Variants in MPZL1 observed in about 807,000 individuals in gnomAD.
MPZL1 encodes myelin protein zero-like protein 1.
A neutral mutation model predicts 29.3 loss-of-function variants in MPZL1; 16 were observed. The ratio of observed to expected loss-of-function variants is 0.55; its 90% CI spans 0.37 to 0.83. The LOEUF is 0.83. Among genes scored for constraint, MPZL1 ranks in the 40% least tolerant of loss-of-function variants. The pLI is 0.00. For missense variants in MPZL1, 279 were observed against 332.9 expected (o/e 0.84, Z 1.26); for synonymous variants, 143 against 132.0 (o/e 1.08, Z -0.57).
In MPZL1 at chr1:167,788,246, G is replaced by A. The variant is rs190151302; in HGVS notation, c.*325G>A. 9.1e-4 allele frequency: 234 copies of A among 256,994 alleles called. 3 individuals are homozygous for A. The highest frequency in any genetic ancestry group is 5.2e-3 in the African/African-American group (232 of 44,800). The allele number at this position is 256,994 out of a possible 1,614,324, so 15.9% of individuals were successfully genotyped here. On this transcript the variant is annotated 3_prime_UTR_variant, in exon 6 of 6. Transcript: ENST00000359523. ...ATTCCTTTCACCATCATTTAGAAAT[G>A]GTTTGCCTTAATGGAGACAATAGCA...
intron 1 of MPZL1, among the ~76,000 whole-genome samples, chr1:167,724,461 T>C (rs958594595): frequency 1.3e-5 from 2 of 152,130 alleles, no homozygotes; most frequent in East Asian, 1.9e-4. Flanking sequence ...CCGGGGAGGA[T>C]GATGAAGATC....
intron 1 of MPZL1, 42 bp downstream of exon 1, chr1:167,722,284 C>T (rs1285726913): frequency 1.6e-6 from 2 of 1,233,460 alleles, no homozygotes; most frequent in African/African-American, 1.6e-5. Context: ...GGGAGTGGGG[C>T]CCCCGGGCCC....
At position 167,773,281 on chromosome 1, in the gene MPZL1, C is replaced by T; in HGVS notation, c.518C>T (p.Thr173Ile). The T allele has an allele frequency of 6.2e-7, 1 of 1,613,538 alleles. No homozygotes were observed. The highest frequency in any genetic ancestry group is 8.5e-7 in the Non-Finnish European group (1 of 1,179,466). Residue 173 changes from threonine to isoleucine, a missense_variant, in exon 4 of 6, where the codon ACT (threonine) becomes ATT (isoleucine). By Grantham distance (89) the Thr-to-Ile change is moderately conservative (BLOSUM62 -1). Transcript: ENST00000359523. ...GTTTGGGTAGTGGTGGGCATAGTTA[C>T]TGCTGTGGTCCTAGGTCTCACTCTG... ...FPVWVVVGIV[T>I]AVVLGLTLLI...
At chr1:167,773,465 A>G in intron 4 of MPZL1, 97 bp downstream of exon 4, 1 of 1,371,244 alleles carries the variant, frequency 7.3e-7, no homozygotes, top group Non-Finnish European at 9.8e-7. Context: ...TAAAGAATTA[A>G]CTACTATTTT....
chr1:167,785,271 A>G (rs1345857417), intron 5 of MPZL1, among the ~76,000 whole-genome samples: 1 of 152,206 alleles, frequency 6.6e-6, no homozygotes, highest in Admixed American at 6.5e-5. Context: ...CAGTCTAACC[A>G]TTGGCAGGCT....
chr1:167,738,779 A>G (rs1010210289), intron 1 of MPZL1, among the ~76,000 whole-genome samples: 2 of 152,064 alleles, frequency 1.3e-5, no homozygotes, highest in Non-Finnish European at 2.9e-5. Context: ...TTCTGCCATG[A>G]TTGTAAGTTT....
chr1:167,753,781 C>T (rs748355790), intron 1 of MPZL1, among the ~76,000 whole-genome samples: 3 of 152,024 alleles, frequency 2.0e-5, no homozygotes, highest in Admixed American at 6.5e-5. Flanking sequence ...AGGTGCCCGC[C>T]ATCACGCCGG....
chr1:167,739,219 A>T (rs1277079386), intron 1 of MPZL1, among the ~76,000 whole-genome samples: 1 of 150,160 alleles, frequency 6.7e-6, no homozygotes, highest in Non-Finnish European at 1.5e-5. Flanking sequence ...CTGGGATTAT[A>T]GGTGTGAACC....
Position 167,790,319 on chromosome 1 carries a change from A to G in MPZL1, c.*2398A>G, listed in dbSNP as rs565335942. 6.6e-6 allele frequency: 1 copy of G among 152,254 alleles called. No individual in the cohort carries two copies. Among genetic ancestry groups the G allele is most frequent in the South Asian group, 2.1e-4 (1 of 4,808 alleles). 9.4% of individuals were successfully genotyped at this position (152,254 alleles called of 1,614,324 possible). On this transcript the variant is annotated 3_prime_UTR_variant, in exon 6 of 6. Transcript: ENST00000359523. ...TTCTTGGCCTCCTGCCCAACCAGAC[A>G]CCTCAAACTCTGTCAGTGCCCTGGC...
Position 167,791,717 on chromosome 1 carries a change from C to G in MPZL1, c.*3796C>G, listed in dbSNP as rs1392365455. 6.6e-6 allele frequency: 1 copy of G among 152,176 alleles called. No homozygotes were observed. The highest frequency in any genetic ancestry group is 1.5e-5 in the Non-Finnish European group (1 of 68,036). 9.4% of individuals were successfully genotyped at this position (152,176 alleles called of 1,614,324 possible). A position where few individuals can be genotyped will look rare whatever the true frequency, so the allele number is the denominator to read the frequency against. ...CTGCTTCCTTACTCAAATAAATGTG[C>G]TGAAATGCAGTTGCAGTTTTCTCCC... On this transcript the variant is annotated 3_prime_UTR_variant, in exon 6 of 6. Coordinates refer to ENST00000359523, the MANE Select transcript of MPZL1 (RefSeq NM_003953.6).
intron 2 of MPZL1, among the ~76,000 whole-genome samples, chr1:167,766,518 A>G (rs1269064681): frequency 6.6e-6 from 1 of 152,320 alleles, no homozygotes; most frequent in East Asian, 1.9e-4. Context: ...ATTTGTTGTT[A>G]CTGTTGCTCT....
chr1:167,768,387 TC>T (rs1661166519), intron 2 of MPZL1, among the ~76,000 whole-genome samples: 1 of 144,394 alleles, frequency 6.9e-6, no homozygotes, highest in African/African-American at 2.5e-5. Context: ...CCATAATGCC[TC>T]TTTTTTTTTT....
chr1:167,750,105 T>C (rs1196716465), intron 1 of MPZL1, among the ~76,000 whole-genome samples: 1 of 152,242 alleles, frequency 6.6e-6, no homozygotes, highest in African/African-American at 2.4e-5. Flanking sequence ...TATTTTGATA[T>C]AATTTCTCAT....
In MPZL1 at chr1:167,789,641, T is replaced by C. The variant is rs1293291993; in HGVS notation, c.*1720T>C. On this transcript the variant is annotated 3_prime_UTR_variant, in exon 6 of 6. Coordinates refer to ENST00000359523, the MANE Select transcript of MPZL1 (RefSeq NM_003953.6). Reference sequence around the variant, plus strand: ...TGAGGAGCTATTTTTGTTATTCTTGTAACGCTCCACCTTACATGCCACATC... The same window carrying C: ...TGAGGAGCTATTTTTGTTATTCTTGCAACGCTCCACCTTACATGCCACATC... 1 of 152,236 alleles carries C rather than the reference T, an allele frequency of 6.6e-6. No homozygotes were observed. The highest frequency in any genetic ancestry group is 2.4e-5 in the African/African-American group (1 of 41,472). 9.4% of individuals were successfully genotyped at this position (152,236 alleles called of 1,614,324 possible).
chr1:167,725,610 C>T (rs995443829), intron 1 of MPZL1, among the ~76,000 whole-genome samples: 3 of 152,146 alleles, frequency 2.0e-5, no homozygotes, highest in African/African-American at 7.2e-5. Flanking sequence ...CTTAGCCTCC[C>T]GAGTAGCTGG....
chr1:167,754,411 A>C (rs776508523), intron 1 of MPZL1, among the ~76,000 whole-genome samples: 42 of 152,360 alleles, frequency 2.8e-4, no homozygotes, highest in Non-Finnish European at 4.7e-4. Flanking sequence ...GTGGGTGGTT[A>C]TATGAATAAT....
chr1:167,763,765 C>A lies in MPZL1; in HGVS notation c.92-1818C>A, dbSNP rs539825420. ...CAATAGCAAGGAACTCTTTTGTTTG[C>A]ATCTCCTCTGAAAGAAATGCTTGTT... On this transcript the variant is annotated intron_variant, in intron 1 of 5. Transcript: ENST00000359523. Among the ~76,000 whole-genome samples, 5 of 152,130 alleles carry A rather than the reference C, an allele frequency of 3.3e-5. No individual in the cohort carries two copies. In the South Asian group the frequency reaches 1.0e-3, roughly 32 times the overall value.
intron 1 of MPZL1, among the ~76,000 whole-genome samples, chr1:167,751,670 CAAAA>C (rs397970508): frequency 1.4e-5 from 1 of 72,148 alleles, no homozygotes; most frequent in Non-Finnish European, 3.2e-5. Context: ...GACTCCATCT[CAAAA>C]AAAAAAAAAA....
intron 1 of MPZL1, among the ~76,000 whole-genome samples, chr1:167,741,473 A>T (rs1660523601): frequency 7.2e-6 from 1 of 139,628 alleles, no homozygotes; most frequent in Non-Finnish European, 1.6e-5. Context: ...TTACAGGCAC[A>T]CGCCACCACG....
Sources: allele counts gnomAD v4.1 joint callset (sites outside exome capture counted in the v4.1 genomes callset), GRCh38; gene constraint gnomAD v4.1.1; transcripts MANE v1.5; gene names NCBI Gene and HGNC (gene_info 2026-07-23, HGNC 2026-07-21).